Variants in ANO6 observed in about 807,000 individuals in gnomAD.
The protein encoded by ANO6 is anoctamin-6.
ANO6 carries 106 observed loss-of-function variants against 117.5 expected under a neutral mutation model. The observed-to-expected ratio is 0.90, with a 90% CI of 0.77 to 1.06. ANO6 has a LOEUF of 1.06. Ranked by LOEUF, ANO6 falls within the 50% of genes least tolerant of loss-of-function variation. The pLI is 0.00. For missense variants in ANO6, 955 were observed against 1,121.1 expected (o/e 0.85, Z 2.12); for synonymous variants, 367 against 385.1 (o/e 0.95, Z 0.55).
chr12:45,425,010 C>T (rs1029789135), intron 19 of ANO6, among the ~76,000 whole-genome samples: 4 of 151,350 alleles, frequency 2.6e-5, no homozygotes, highest in African/African-American at 7.3e-5. Flanking sequence ...CCCTCAGTAA[C>T]CTCAAGGGTT....
At position 45,369,908 on chromosome 12, in the gene ANO6, C is replaced by T. The variant is rs1251779042; in HGVS notation, c.1104+2115C>T. Among the ~76,000 whole-genome samples, 5 of 152,332 alleles carry T rather than the reference C, an allele frequency of 3.3e-5. No individual in the cohort carries two copies. The East Asian group carries it at 7.7e-4, about 23-fold the overall frequency. ...GGGAAACATGGTAAGTTCTAATATT[C>T]TGCTCATAAAAACATATTTAGTTAT... On this transcript the variant is annotated intron_variant, in intron 9 of 19. Transcript: ENST00000320560.
At chr12:45,318,606 G>A (rs1187777230) in intron 2 of ANO6, among the ~76,000 whole-genome samples, 1 of 152,148 alleles carries the variant, frequency 6.6e-6, no homozygotes, top group African/African-American at 2.4e-5. Flanking sequence ...TGGCAATGCG[G>A]GCTTTTTTTT....
At chr12:45,277,780 G>C (rs1023072634) in intron 1 of ANO6, among the ~76,000 whole-genome samples, 39 of 151,954 alleles carry the variant, frequency 2.6e-4, no homozygotes, top group African/African-American at 9.0e-4. Context: ...AAAAGTTCCT[G>C]CCATTCTGAC....
chr12:45,406,720 G>T (rs1942944545), intron 15 of ANO6, among the ~76,000 whole-genome samples: 1 of 152,120 alleles, frequency 6.6e-6, no homozygotes, highest in African/African-American at 2.4e-5. Context: ...TTACTCTCTA[G>T]GTTCAGAAAC....
chr12:45,352,525 A>G (rs60452259), intron 7 of ANO6, among the ~76,000 whole-genome samples: 11,354 of 147,790 alleles, frequency 0.077, 708 homozygotes, highest in African/African-American at 0.17. Flanking sequence ...CCAGGAGTTC[A>G]AGGCCAGACT....
intron 1 of ANO6, among the ~76,000 whole-genome samples, chr12:45,221,059 T>G (rs1363749537): frequency 8.0e-5 from 12 of 149,324 alleles, no homozygotes; most frequent in African/African-American, 2.7e-4. Context: ...GTGTCGGAAG[T>G]GGGGGGGGGC....
At chr12:45,240,482 G>A (rs1255381802) in intron 1 of ANO6, among the ~76,000 whole-genome samples, 1 of 147,910 alleles carries the variant, frequency 6.8e-6, no homozygotes, top group Non-Finnish European at 1.5e-5. Flanking sequence ...TCAGCACACT[G>A]ATGGGTCTTG....
At position 45,347,131 on chromosome 12, in the gene ANO6, C is replaced by G. The variant is rs377349116; in HGVS notation, c.345+44C>G. On this transcript the variant is annotated intron_variant, in intron 4 of 19. Coordinates refer to ENST00000320560, the MANE Select transcript of ANO6 (RefSeq NM_001025356.3). ...TCAGCCCTCGGCTGACCACTGTTCT[C>G]GGGCAGCTTCGTGCCACTTGGAATA... 1.9e-6 allele frequency: 3 copies of G among 1,588,492 alleles called. No homozygotes were observed. The South Asian group carries it at 3.3e-5, about 18-fold the overall frequency.
At chr12:45,396,052 G>C (rs536938504) in intron 12 of ANO6, among the ~76,000 whole-genome samples, 3 of 152,242 alleles carry the variant, frequency 2.0e-5, no homozygotes, top group African/African-American at 7.2e-5. Context: ...AAATCAAATT[G>C]TCCCTGTTTG....
intron 2 of ANO6, among the ~76,000 whole-genome samples, chr12:45,322,953 C>T (rs565734572): frequency 1.6e-3 from 243 of 152,204 alleles, no homozygotes; most frequent in Non-Finnish European, 3.0e-3. Context: ...TCCTTTTGCC[C>T]TGCTGCCAAG....
chr12:45,377,061 A>G (rs1401039390), intron 9 of ANO6, among the ~76,000 whole-genome samples: 1 of 152,078 alleles, frequency 6.6e-6, no homozygotes, highest in Non-Finnish European at 1.5e-5. Context: ...TTACATGAGT[A>G]TGAAGAGCAA....
intron 16 of ANO6, among the ~76,000 whole-genome samples, chr12:45,409,796 C>A (rs555020966): frequency 6.6e-6 from 1 of 152,082 alleles, no homozygotes; most frequent in Non-Finnish European, 1.5e-5. Context: ...CACTCTGTAG[C>A]CCAGGCTGGA....
In ANO6 at chr12:45,430,270, G is replaced by A. The variant is rs1263555718; in HGVS notation, c.*959G>A. ...GACTTTTATTCATTAGATACAGAAGGTGCAGTATTACACATCACCAGCTGC... is the reference window on the plus strand; with the variant it reads ...GACTTTTATTCATTAGATACAGAAGATGCAGTATTACACATCACCAGCTGC... On this transcript the variant is annotated 3_prime_UTR_variant, in exon 20 of 20. Transcript: ENST00000320560. The A allele has an allele frequency of 4.1e-6, 4 of 985,306 alleles. No homozygotes were observed. In the South Asian group the frequency reaches 1.4e-4, roughly 35 times the overall value. 61.0% of individuals were successfully genotyped at this position (985,306 alleles called of 1,614,324 possible).
intron 1 of ANO6, among the ~76,000 whole-genome samples, chr12:45,280,514 A>G (rs919205413): frequency 3.9e-5 from 6 of 152,214 alleles, no homozygotes; most frequent in Non-Finnish European, 8.8e-5. Flanking sequence ...TCTCCTGGTT[A>G]TTGTTACACA....
chr12:45,402,984 C>T (rs558964181), intron 13 of ANO6, 88 bp from the exon 14 acceptor site: 16 of 1,218,284 alleles, frequency 1.3e-5, no homozygotes, highest in Admixed American at 3.6e-5. Flanking sequence ...ACGTGTTTAA[C>T]GTGTTAACTC....
intron 7 of ANO6, 21 bp from the exon 8 acceptor site, chr12:45,357,269 A>T (rs772807445): frequency 4.3e-6 from 7 of 1,612,578 alleles, no homozygotes; most frequent in Non-Finnish European, 5.9e-6. Flanking sequence ...TCTTCTAAAA[A>T]TAATTTCTGT....
intron 1 of ANO6, among the ~76,000 whole-genome samples, chr12:45,287,717 G>C (rs752774927): frequency 6.6e-6 from 1 of 152,170 alleles, no homozygotes; most frequent in South Asian, 2.1e-4. Flanking sequence ...GAAAGGCAAG[G>C]TATAGCAAAC....
chr12:45,244,613 A>G (rs1947797588), intron 1 of ANO6, among the ~76,000 whole-genome samples: 1 of 152,214 alleles, frequency 6.6e-6, no homozygotes, highest in Non-Finnish European at 1.5e-5. Flanking sequence ...ATTATGGTAC[A>G]GAACTCATGA....
At chr12:45,398,032 C>T (rs1415460436) in intron 12 of ANO6, among the ~76,000 whole-genome samples, 5 of 151,686 alleles carry the variant, frequency 3.3e-5, no homozygotes, top group African/African-American at 4.8e-5. Flanking sequence ...GAAGTAAAAA[C>T]GTTTTCTAAA....
Sources: allele counts gnomAD v4.1 joint callset (sites outside exome capture counted in the v4.1 genomes callset), GRCh38; gene constraint gnomAD v4.1.1; transcripts MANE v1.5; gene names NCBI Gene and HGNC (gene_info 2026-07-23, HGNC 2026-07-21).